The following ASAP1 variants were observed in gnomAD, a reference collection of about 807,000 sequenced individuals.
The protein encoded by ASAP1 is ArfGAP with SH3 domain, ankyrin repeat and PH domain 1, also known as arf-GAP with SH3 domain, ANK repeat and PH domain-containing protein 1.
Under a neutral mutation model 145.2 loss-of-function variants are expected in ASAP1, and 43 were observed. The observed-to-expected ratio is 0.30, with a 90% CI of 0.23 to 0.38. ASAP1 has a LOEUF of 0.38. ASAP1 is among the 10% of genes least tolerant of loss of function. The probability of loss-of-function intolerance (pLI) is 1.00; values close to 1 mark genes in which losing one functional copy is unlikely to be tolerated. For synonymous variants in ASAP1, 546 were observed against 515.5 expected (o/e 1.06, Z -0.80); for missense variants, 1,018 against 1,355.3 (o/e 0.75, Z 3.91).
intron 1 of ASAP1, among the ~76,000 whole-genome samples, chr8:130,409,526 C>T (rs188586431): frequency 6.6e-6 from 1 of 152,064 alleles, no homozygotes; most frequent in Non-Finnish European, 1.5e-5. Flanking sequence ...TTGAGATGGG[C>T]CCTTCTGATA....
At chr8:130,356,367 A>G (rs1392571259) in intron 3 of ASAP1, among the ~76,000 whole-genome samples, 1 of 152,086 alleles carries the variant, frequency 6.6e-6, no homozygotes, top group African/African-American at 2.4e-5. Flanking sequence ...TCAATGTCAC[A>G]TCCTTAGAAG....
chr8:130,167,887 A>G (rs1217288989), intron 10 of ASAP1, among the ~76,000 whole-genome samples: 1 of 152,226 alleles, frequency 6.6e-6, no homozygotes, highest in African/African-American at 2.4e-5. Flanking sequence ...TATTCTAAAC[A>G]GCTTATATCA....
chr8:130,192,076 A>G (rs1047474690), intron 5 of ASAP1, among the ~76,000 whole-genome samples: 1 of 152,082 alleles, frequency 6.6e-6, no homozygotes, highest in African/African-American at 2.4e-5. Context: ...TCAAAGACAA[A>G]GGGATTTCTA....
intron 29 of ASAP1, among the ~76,000 whole-genome samples, chr8:130,056,562 A>T (rs1474677169): frequency 6.6e-6 from 1 of 152,204 alleles, no homozygotes; most frequent in Non-Finnish European, 1.5e-5. Flanking sequence ...GGAGGGCAAA[A>T]TTGCCCCAGT....
At chr8:130,187,547 C>G (rs1041539442) in intron 6 of ASAP1, among the ~76,000 whole-genome samples, 16 of 151,900 alleles carry the variant, frequency 1.1e-4, no homozygotes, top group Admixed American at 9.8e-4. Flanking sequence ...TCCTGAGTAG[C>G]TAGAACTACA....
intron 9 of ASAP1, among the ~76,000 whole-genome samples, chr8:130,178,844 G>A (rs1159733574): frequency 2.0e-5 from 3 of 151,686 alleles, no homozygotes; most frequent in Non-Finnish European, 4.4e-5. Context: ...AGCCGAGACT[G>A]CACCACTGCA....
intron 3 of ASAP1, 61 bp downstream of exon 3, chr8:130,357,956 A>T (rs1586901210): frequency 6.5e-7 from 1 of 1,540,194 alleles, no homozygotes; most frequent in Non-Finnish European, 8.7e-7. Flanking sequence ...CGGAGAGGAG[A>T]TCCTCCAGCT....
At chr8:130,079,435 T>A (rs537692889) in intron 26 of ASAP1, among the ~76,000 whole-genome samples, 2 of 151,330 alleles carry the variant, frequency 1.3e-5, no homozygotes, top group South Asian at 4.2e-4. Flanking sequence ...AAAAAAAAAA[T>A]ATTAGAAACA....
intron 24 of ASAP1, among the ~76,000 whole-genome samples, chr8:130,100,277 AT>A (rs1052271794): frequency 6.6e-6 from 1 of 151,842 alleles, no homozygotes; most frequent in Non-Finnish European, 1.5e-5. Context: ...GATGTTGAGC[AT>A]TTTTTCATAT....
chr8:130,057,823 A>G, intron 29 of ASAP1, 131 bp downstream of exon 29: 1 of 1,160,532 alleles, frequency 8.6e-7, no homozygotes, highest in Non-Finnish European at 1.2e-6. Flanking sequence ...CTGTTGGGTG[A>G]GTGATGCAGC....
At chr8:130,364,893 G>A (rs1826879903) in intron 2 of ASAP1, among the ~76,000 whole-genome samples, 1 of 152,076 alleles carries the variant, frequency 6.6e-6, no homozygotes, top group African/African-American at 2.4e-5. Context: ...TTGCACCACT[G>A]CACCTCAGCA....
At chr8:130,233,482 A>T (rs1818031655) in intron 4 of ASAP1, among the ~76,000 whole-genome samples, 1 of 152,176 alleles carries the variant, frequency 6.6e-6, no homozygotes, top group Admixed American at 6.6e-5. Context: ...CTGTCTCTCT[A>T]AGCTTCAGTT....
rs201968567 is a variant in ASAP1, at chr8:130,245,687, G to GT, written c.187-8694dup. Among the ~76,000 whole-genome samples, 608 of 152,314 alleles carry GT rather than the reference G, an allele frequency of 4.0e-3. 1 individual carries two copies. Among genetic ancestry groups the GT allele is most frequent in the African/African-American group, 0.014 (581 of 41,566 alleles). ...TATACGTTTTGAGGGCAGGGCCTATGTTAGGCCCAGAGTAGGGCTCAATAA... is the reference window on the plus strand; with the variant it reads ...TATACGTTTTGAGGGCAGGGCCTATGTTTAGGCCCAGAGTAGGGCTCAATAA... On this transcript the variant is annotated intron_variant, in intron 3 of 29. Transcript: ENST00000518721.
chr8:130,352,508 T>G (rs561550909), intron 3 of ASAP1, among the ~76,000 whole-genome samples: 1 of 152,114 alleles, frequency 6.6e-6, no homozygotes, highest in Non-Finnish European at 1.5e-5. Context: ...CAAAAGGACA[T>G]AGATAAAGGC....
intron 11 of ASAP1, chr8:130,167,330 A>T: frequency 1.5e-6 from 1 of 659,840 alleles, no homozygotes. Context: ...AAAAAAATCC[A>T]GAGTCATGGA....
At chr8:130,152,590 CTTTT>C (rs78606256) in intron 13 of ASAP1, 142 bp downstream of exon 13, 605 of 414,136 alleles carry the variant, frequency 1.5e-3, no homozygotes, top group South Asian at 2.6e-3. Context: ...CAAGATAAAA[CTTTT>C]TTTTTTTTTT....
intron 3 of ASAP1, among the ~76,000 whole-genome samples, chr8:130,333,738 C>G (rs763084662): frequency 6.6e-6 from 1 of 152,188 alleles, no homozygotes; most frequent in Non-Finnish European, 1.5e-5. Context: ...TTAATATTTT[C>G]GCCAATCATA....
chr8:130,351,148 A>T (rs995265811), intron 3 of ASAP1, among the ~76,000 whole-genome samples: 6 of 152,232 alleles, frequency 3.9e-5, no homozygotes, highest in African/African-American at 1.4e-4. Flanking sequence ...AACCAAATAG[A>T]GGTAAAAAGA....
chr8:130,159,592 G>A (rs2097665061), intron 12 of ASAP1, among the ~76,000 whole-genome samples: 7 of 151,016 alleles, frequency 4.6e-5, no homozygotes, highest in Admixed American at 4.6e-4. Flanking sequence ...GTGAGTATGA[G>A]GTCAGCACTT....
Sources: allele counts gnomAD v4.1 joint callset (sites outside exome capture counted in the v4.1 genomes callset), GRCh38; gene constraint gnomAD v4.1.1; transcripts MANE v1.5; gene names NCBI Gene and HGNC (gene_info 2026-07-23, HGNC 2026-07-21).